CALD1: variants seen among roughly 807,000 people sequenced by gnomAD.
The protein encoded by CALD1 is caldesmon.
CALD1 carries 33 observed loss-of-function variants against 99.9 expected under a neutral mutation model. The ratio of observed to expected loss-of-function variants is 0.33; its 90% CI spans 0.25 to 0.44. The LOEUF (loss-of-function observed/expected upper bound fraction) is 0.44. Ranked by LOEUF, CALD1 falls within the 20% of genes least tolerant of loss-of-function variation. The pLI is 1.00. For missense variants in CALD1, 861 were observed against 962.1 expected (o/e 0.89, Z 1.39); for synonymous variants, 310 against 325.0 (o/e 0.95, Z 0.50).
At chr7:134,893,613 C>T (rs1802358092) in intron 3 of CALD1, among the ~76,000 whole-genome samples, 1 of 152,178 alleles carries the variant, frequency 6.6e-6, no homozygotes, top group East Asian at 1.9e-4. Context: ...AATACCCTCA[C>T]CCTCCTGTTT....
intron 1 of CALD1, among the ~76,000 whole-genome samples, chr7:134,784,255 GA>G (rs1417542527): frequency 6.6e-6 from 1 of 152,190 alleles, no homozygotes; most frequent in Non-Finnish European, 1.5e-5. Context: ...CACTTGGAGA[GA>G]AACATATTAA....
intron 2 of CALD1, among the ~76,000 whole-genome samples, chr7:134,856,002 C>T (rs1800283499): frequency 6.6e-6 from 1 of 152,154 alleles, no homozygotes; most frequent in Admixed American, 6.5e-5. Flanking sequence ...GTATTCTAAT[C>T]CTACACTCTG....
In CALD1 at chr7:134,933,135, C is replaced by A; in HGVS notation, c.366C>A (p.Asp122Glu). The A allele has an allele frequency of 1.2e-6, 2 of 1,613,234 alleles. No individual in the cohort carries two copies. Among genetic ancestry groups the A allele is most frequent in the South Asian group, 2.2e-5 (2 of 90,984 alleles). ...CTCTGGAGCGGCAGAAGGAGTTCGA[C>A]CCAACAATAACAGATGCAAGTCTGT... The part of the protein sequence containing the change: ...QEALERQKEF[D>E]PTITDASLSL... Residue 122 changes from aspartate (D) to glutamate (E), a missense_variant, in exon 5 of 15, where the codon GAC becomes GAA. Physicochemically the swap from Asp to Glu is conservative, Grantham distance 45 (BLOSUM62 2). Coordinates refer to ENST00000361675, the MANE Select transcript of CALD1 (RefSeq NM_033138.4).
At chr7:134,934,216 A>T in intron 5 of CALD1, 139 bp downstream of exon 5, 1 of 1,284,222 alleles carries the variant, frequency 7.8e-7, no homozygotes, top group Non-Finnish European at 1.1e-6. Context: ...TTTTCAGGCC[A>T]TAGCGATACA....
At chr7:134,787,362 TA>T (rs1402976366) in intron 1 of CALD1, among the ~76,000 whole-genome samples, 1 of 152,182 alleles carries the variant, frequency 6.6e-6, no homozygotes, top group Non-Finnish European at 1.5e-5. Flanking sequence ...AATTTAGGCT[TA>T]GGGGGAGGGG....
intron 1 of CALD1, among the ~76,000 whole-genome samples, chr7:134,814,819 C>A (rs1798494800): frequency 6.6e-6 from 1 of 152,176 alleles, no homozygotes; most frequent in Admixed American, 6.5e-5. Context: ...GGAATTAACA[C>A]TCAACAGAGT....
intron 3 of CALD1, among the ~76,000 whole-genome samples, chr7:134,892,820 C>T (rs548503294): frequency 5.3e-5 from 8 of 152,304 alleles, no homozygotes; most frequent in South Asian, 2.1e-4. Flanking sequence ...TCCTCATCCT[C>T]GCTCTACTCT....
the CALD1 span, among the ~76,000 whole-genome samples, chr7:134,734,485 A>G: frequency 6.6e-6 from 1 of 152,202 alleles, no homozygotes; most frequent in African/African-American, 2.4e-5. Context: ...GTGAATAAGG[A>G]GTTCGTGCCA....
chr7:134,779,612 C>G, upstream of CALD1: 1 of 398,688 alleles, frequency 2.5e-6, no homozygotes. Flanking sequence ...GAAGGGCGGT[C>G]TGGAGTTTTA....
chr7:134,762,643 C>T (rs1451707010), intron 1 of CALD1, among the ~76,000 whole-genome samples: 2 of 152,152 alleles, frequency 1.3e-5, no homozygotes, highest in African/African-American at 4.8e-5. Context: ...GAAGCAACCC[C>T]ATCTTACATG....
At chr7:134,744,468 T>C (rs1796617627) in intron 1 of CALD1, 1 of 151,764 alleles carries the variant, frequency 6.6e-6, no homozygotes. Flanking sequence ...TGTGTGTGTG[T>C]GTGTGTGTGT....
the CALD1 span, among the ~76,000 whole-genome samples, chr7:134,726,188 G>C: frequency 6.6e-6 from 1 of 151,054 alleles, no homozygotes; most frequent in African/African-American, 2.4e-5. Context: ...TACCAGGCAT[G>C]CAAAAAAAGC....
At chr7:134,931,247 G>A (rs1554468869) in intron 4 of CALD1, among the ~76,000 whole-genome samples, 1 of 152,096 alleles carries the variant, frequency 6.6e-6, no homozygotes, top group Non-Finnish European at 1.5e-5. Flanking sequence ...TTTATAAATA[G>A]GCAAAGAAAT....
At chr7:134,882,345 A>AT (rs373117677) in intron 3 of CALD1, among the ~76,000 whole-genome samples, 9 of 152,158 alleles carry the variant, frequency 5.9e-5, no homozygotes, top group African/African-American at 2.2e-4. Context: ...TATCTCATGT[A>AT]TTTTTTTGAT....
intron 6 of CALD1, among the ~76,000 whole-genome samples, chr7:134,937,177 T>A (rs1806044053): frequency 6.6e-6 from 1 of 152,194 alleles, no homozygotes. Flanking sequence ...TTCATTCAGT[T>A]CACTAATTTG....
intron 1 of CALD1, among the ~76,000 whole-genome samples, chr7:134,805,043 G>A (rs1438298352): frequency 1.3e-5 from 2 of 152,222 alleles, no homozygotes; most frequent in African/African-American, 2.4e-5. Context: ...CATAGAAGTA[G>A]AAGCTGTCCT....
At chr7:134,711,579 G>A in the CALD1 span, among the ~76,000 whole-genome samples, 3 of 148,344 alleles carry the variant, frequency 2.0e-5, no homozygotes, top group Non-Finnish European at 4.4e-5. Context: ...ACTTCAGCCT[G>A]GCCAGCCCTC....
intron 3 of CALD1, among the ~76,000 whole-genome samples, chr7:134,903,329 G>T (rs1466954220): frequency 6.6e-6 from 1 of 152,132 alleles, no homozygotes; most frequent in Non-Finnish European, 1.5e-5. Context: ...AGGTTCATCA[G>T]TTGTAACAAA....
chr7:134,960,812 C>CAA, intron 13 of CALD1, 184 bp downstream of exon 13: 2 of 535,006 alleles, frequency 3.7e-6, no homozygotes. Context: ...CTCAGTTACT[C>CAA]AGAGGGTAAA....
Sources: allele counts gnomAD v4.1 joint callset (sites outside exome capture counted in the v4.1 genomes callset), GRCh38; gene constraint gnomAD v4.1.1; transcripts MANE v1.5; gene names NCBI Gene and HGNC (gene_info 2026-07-23, HGNC 2026-07-21).